ZFHX3: variants seen among roughly 807,000 people sequenced by gnomAD.
The protein encoded by ZFHX3 is zinc finger homeobox protein 3.
ZFHX3 carries 42 observed loss-of-function variants against 279.1 expected under a neutral mutation model. The observed-to-expected ratio is 0.15, with a 90% confidence interval of 0.12 to 0.19. The LOEUF is 0.19. Among genes scored for constraint, ZFHX3 ranks in the 10% least tolerant of loss-of-function variants. The probability of loss-of-function intolerance (pLI) is 1.00; values close to 1 mark genes in which losing one functional copy is unlikely to be tolerated. For synonymous variants in ZFHX3, 2,293 were observed against 1,957.8 expected (o/e 1.17, Z -4.52); for missense variants, 4,981 against 4,754.0 (o/e 1.05, Z -1.40).
chr16:73,717,632 C>T (rs749668803), intron 1 of ZFHX3, among the ~76,000 whole-genome samples: 4 of 152,170 alleles, frequency 2.6e-5, no homozygotes, highest in Non-Finnish European at 5.9e-5. Flanking sequence ...TGCTAGGCTC[C>T]GAGGAGGGTT....
chr16:72,994,964 G>A (rs1033794724), intron 1 of ZFHX3, among the ~76,000 whole-genome samples: 1 of 152,138 alleles, frequency 6.6e-6, no homozygotes, highest in East Asian at 1.9e-4. Flanking sequence ...GAAGGGTTAA[G>A]GTAATCCAAT....
chr16:73,362,183 C>A (rs763873070), intron 3 of ZFHX3, among the ~76,000 whole-genome samples: 1 of 152,166 alleles, frequency 6.6e-6, no homozygotes, highest in Non-Finnish European at 1.5e-5. Context: ...ACATTCCCTA[C>A]GTAAGGAATA....
chr16:73,158,931 A>T (rs1186906020), intron 5 of ZFHX3, among the ~76,000 whole-genome samples: 1 of 152,232 alleles, frequency 6.6e-6, no homozygotes, highest in East Asian at 1.9e-4. Flanking sequence ...AATCAACTCA[A>T]GATGGATTAA....
At chr16:73,712,839 T>C (rs1215353157) in intron 1 of ZFHX3, among the ~76,000 whole-genome samples, 1 of 152,148 alleles carries the variant, frequency 6.6e-6, no homozygotes, top group Non-Finnish European at 1.5e-5. Context: ...GACACCCCAG[T>C]TTGTGGCCCA....
rs547854536 is a variant in ZFHX3 at position 73,084,203 on chromosome 16, T to C, written c.-533+9032A>G. Among the ~76,000 whole-genome samples, 58 of 152,336 alleles carry C rather than the reference T, an allele frequency of 3.8e-4. 1 individual carries two copies. The East Asian group carries it at 0.01, about 27-fold the overall frequency. ...TAGAACAAGAAAAGAATGCACACTT[T>C]CACCATTTTTATTCTTGACAAAGTT... On this transcript the variant is annotated intron_variant, in intron 8 of 17. Transcript: ENST00000641206.
At chr16:72,921,069 C>CAAAAAAAAAAAA (rs57294537) in intron 3 of ZFHX3, among the ~76,000 whole-genome samples, 10 of 23,584 alleles carry the variant, frequency 4.2e-4, no homozygotes, top group African/African-American at 1.4e-3. Context: ...CAGACCTTGT[C>CAAAAAAAAAAAA]AAAAAAAAAA....
At chr16:72,878,083 T>A (rs527379241) in intron 4 of ZFHX3, among the ~76,000 whole-genome samples, 35 of 151,908 alleles carry the variant, frequency 2.3e-4, no homozygotes, top group Non-Finnish European at 4.0e-4. Flanking sequence ...CTTGGAAGAC[T>A]GAGGCAGGAG....
chr16:72,971,479 G>A (rs1238508569), intron 1 of ZFHX3, among the ~76,000 whole-genome samples: 9 of 152,168 alleles, frequency 5.9e-5, no homozygotes. Context: ...TAAGTACCTT[G>A]CCCAAGCTGC....
At chr16:73,195,197 C>T (rs1968118012) in intron 5 of ZFHX3, among the ~76,000 whole-genome samples, 1 of 152,106 alleles carries the variant, frequency 6.6e-6, no homozygotes, top group African/African-American at 2.4e-5. Context: ...TTTCTTAAAT[C>T]ACTTTCTCAC....
In ZFHX3 at chr16:72,796,997, G is replaced by A. The variant is rs775959112; in HGVS notation, c.5685C>T (p.Ser1895=). The A allele has an allele frequency of 8.7e-6, 14 of 1,613,796 alleles. No individual in the cohort carries two copies. Among genetic ancestry groups the A allele is most frequent in the Admixed American group, 5.0e-5 (3 of 59,966 alleles). ...KEKESQRERD[S]AEGGEGNTGP... Reference sequence around the variant, plus strand: ...CGGTGTTGCCCTCTCCCCCCTCGGCGCTGTCCCTCTCTCTCTGGCTTTCTT... The same window carrying A: ...CGGTGTTGCCCTCTCCCCCCTCGGCACTGTCCCTCTCTCTCTGGCTTTCTT... The change falls in exon 9 of 10, where the codon AGC becomes AGT. Residue 1895 remains serine, a synonymous_variant. Transcript: ENST00000268489.
chr16:73,741,274 T>C lies in ZFHX3; in HGVS notation c.-1607-61034A>G, dbSNP rs1597090592. On this transcript the variant is annotated intron_variant, in intron 1 of 17. Transcript: ENST00000641206. ...TGACTACATATGGAAATACAAGCTTTAAAGAAAACAGCCACTTCACAAGTC... is the reference window on the plus strand; with the variant it reads ...TGACTACATATGGAAATACAAGCTTCAAAGAAAACAGCCACTTCACAAGTC... Among the ~76,000 whole-genome samples, 3 of 152,100 alleles carry C rather than the reference T, an allele frequency of 2.0e-5. No individual in the cohort carries two copies. In the South Asian group the frequency reaches 6.2e-4, roughly 32 times the overall value.
At chr16:73,055,246 T>A (rs745739488) in intron 1 of ZFHX3, among the ~76,000 whole-genome samples, 15 of 152,050 alleles carry the variant, frequency 9.9e-5, no homozygotes, top group African/African-American at 2.4e-4. Context: ...CTGAACTCAA[T>A]AGGGTTTTTT....
At chr16:73,532,395 A>T (rs1227854937) in intron 2 of ZFHX3, among the ~76,000 whole-genome samples, 1 of 152,126 alleles carries the variant, frequency 6.6e-6, no homozygotes, top group Non-Finnish European at 1.5e-5. Context: ...CACGATTGTG[A>T]GGCCTCCCCA....
At chr16:72,880,046 C>T (rs536200581) in intron 4 of ZFHX3, among the ~76,000 whole-genome samples, 20 of 152,232 alleles carry the variant, frequency 1.3e-4, no homozygotes, top group Non-Finnish European at 1.8e-4. Flanking sequence ...CCAGCGAGGT[C>T]GCAGTAGTTA....
intron 2 of ZFHX3, among the ~76,000 whole-genome samples, chr16:73,518,942 G>A (rs1013309064): frequency 2.0e-5 from 3 of 152,160 alleles, no homozygotes; most frequent in Admixed American, 6.6e-5. Context: ...GCAAAGCAGC[G>A]AAGGCAAGGA....
At chr16:73,510,657 GA>G (rs1331176999) in intron 2 of ZFHX3, among the ~76,000 whole-genome samples, 2 of 152,224 alleles carry the variant, frequency 1.3e-5, no homozygotes, top group Non-Finnish European at 2.9e-5. Context: ...ACTGTGATGT[GA>G]ATAGCAGCAT....
intron 4 of ZFHX3, among the ~76,000 whole-genome samples, chr16:72,876,883 C>T (rs76943699): frequency 0.014 from 2,130 of 152,222 alleles, 87 homozygotes; most frequent in South Asian, 0.11. Flanking sequence ...ACATCCTTCC[C>T]TCTGGGGGTC....
intron 4 of ZFHX3, among the ~76,000 whole-genome samples, chr16:73,312,564 T>C (rs2015351209): frequency 1.3e-5 from 2 of 152,216 alleles, no homozygotes; most frequent in Admixed American, 6.5e-5. Flanking sequence ...TCCTGGTGCC[T>C]ATTGCTCAAT....
chr16:73,026,402 T>C (rs1349459402), intron 1 of ZFHX3, among the ~76,000 whole-genome samples: 2 of 151,790 alleles, frequency 1.3e-5, no homozygotes, highest in Non-Finnish European at 1.5e-5. Context: ...CCAGTCATAG[T>C]GGCTCACGCC....
Sources: gnomAD v4.1 joint callset for allele counts (sites outside exome capture counted in the v4.1 genomes callset) on GRCh38, gnomAD v4.1.1 for gene constraint, MANE v1.5 for transcripts, NCBI Gene and HGNC (gene_info 2026-07-23, HGNC 2026-07-21) for gene names.